CALN1: variants seen among roughly 807,000 people sequenced by gnomAD.
CALN1 encodes the protein calcium-binding protein 8.
Under a neutral mutation model 30.6 loss-of-function variants are expected in CALN1, and 17 were observed. That is an observed-to-expected ratio of 0.56 (90% confidence interval 0.38 to 0.83). The LOEUF (loss-of-function observed/expected upper bound fraction) is 0.83. Among genes scored for constraint, CALN1 ranks in the 40% least tolerant of loss-of-function variants. The pLI is 0.00. For synonymous variants in CALN1, 156 were observed against 131.4 expected (o/e 1.19, Z -1.28); for missense variants, 291 against 354.9 (o/e 0.82, Z 1.45).
At chr7:72,367,647 A>AATAAAT (rs1420793071) in intron 2 of CALN1, among the ~76,000 whole-genome samples, 3 of 151,960 alleles carry the variant, frequency 2.0e-5, no homozygotes, top group Non-Finnish European at 4.4e-5. Context: ...TAAAAATAAA[A>AATAAAT]ATTAGCCAGG....
the CALN1 span, among the ~76,000 whole-genome samples, chr7:72,477,691 A>C: frequency 6.6e-6 from 1 of 152,066 alleles, no homozygotes; most frequent in South Asian, 2.1e-4. Flanking sequence ...CAAAGTGCTA[A>C]GTCTACAGGC....
chr7:72,488,985 C>T, the CALN1 span, among the ~76,000 whole-genome samples: 1 of 152,280 alleles, frequency 6.6e-6, no homozygotes, highest in East Asian at 1.9e-4. Context: ...CTACAGACTC[C>T]TTATCGACCA....
At chr7:72,139,503 C>T (rs1469165959) in intron 3 of CALN1, among the ~76,000 whole-genome samples, 2 of 151,918 alleles carry the variant, frequency 1.3e-5, no homozygotes, top group African/African-American at 2.4e-5. Context: ...CCCACCTCAG[C>T]CATGCCCACC....
At chr7:72,452,059 G>A (rs983472186), upstream of CALN1, among the ~76,000 whole-genome samples, 2 of 152,144 alleles carry the variant, frequency 1.3e-5, no homozygotes, top group African/African-American at 4.8e-5. Context: ...GAATTGAATG[G>A]AATATGCCAG....
At chr7:72,180,173 C>T (rs1193909011) in intron 3 of CALN1, among the ~76,000 whole-genome samples, 1 of 152,138 alleles carries the variant, frequency 6.6e-6, no homozygotes, top group Non-Finnish European at 1.5e-5. Flanking sequence ...TTCCTCTGTC[C>T]CTCATATTTC....
intron 6 of CALN1, among the ~76,000 whole-genome samples, chr7:71,794,238 C>A (rs1786752639): frequency 6.6e-6 from 1 of 152,140 alleles, no homozygotes; most frequent in South Asian, 2.1e-4. Flanking sequence ...TGTACAAATT[C>A]TTTTTGGTCT....
chr7:72,440,128 T>C (rs1444690245), intron 1 of CALN1, among the ~76,000 whole-genome samples: 1 of 152,194 alleles, frequency 6.6e-6, no homozygotes, highest in Non-Finnish European at 1.5e-5. Context: ...CAAAATAGTT[T>C]AAAACAGACA....
intron 1 of CALN1, among the ~76,000 whole-genome samples, chr7:72,407,481 T>C (rs149507202): frequency 6.6e-6 from 1 of 152,118 alleles, no homozygotes; most frequent in Non-Finnish European, 1.5e-5. Context: ...ACAGTTCTCA[T>C]GAGATCTGGT....
intron 3 of CALN1, among the ~76,000 whole-genome samples, chr7:72,276,956 A>G (rs1318313546): frequency 2.0e-5 from 3 of 152,244 alleles, no homozygotes; most frequent in African/African-American, 7.2e-5. Flanking sequence ...AGTGACATCT[A>G]TGAATCAGAA....
intron 4 of CALN1, among the ~76,000 whole-genome samples, chr7:72,045,772 G>T (rs1364143302): frequency 1.3e-5 from 2 of 152,064 alleles, no homozygotes; most frequent in Non-Finnish European, 2.9e-5. Context: ...GGCAGAGGTG[G>T]GTGGATCACC....
intron 2 of CALN1, among the ~76,000 whole-genome samples, chr7:72,311,454 A>G (rs1800040945): frequency 6.6e-6 from 1 of 151,904 alleles, no homozygotes; most frequent in Non-Finnish European, 1.5e-5. Context: ...GCATTGTGGA[A>G]GGATCAACTG....
intron 3 of CALN1, among the ~76,000 whole-genome samples, chr7:72,236,626 C>T (rs1035237354): frequency 2.0e-5 from 3 of 152,214 alleles, no homozygotes; most frequent in African/African-American, 7.2e-5. Flanking sequence ...ACGCCAGGCT[C>T]ATCGCAAAAA....
chr7:72,249,039 A>T (rs1795375194), intron 3 of CALN1, among the ~76,000 whole-genome samples: 1 of 152,216 alleles, frequency 6.6e-6, no homozygotes, highest in Non-Finnish European at 1.5e-5. Context: ...GCAGTGATGG[A>T]TCACGAATTT....
chr7:71,830,065 G>A (rs1789174273), intron 5 of CALN1, among the ~76,000 whole-genome samples: 1 of 148,660 alleles, frequency 6.7e-6, no homozygotes, highest in Non-Finnish European at 1.5e-5. Context: ...TTTTGGAGAT[G>A]GGAGTTTTGC....
intron 3 of CALN1, among the ~76,000 whole-genome samples, chr7:72,161,884 A>G (rs11976081): frequency 0.026 from 3,887 of 152,102 alleles, 172 homozygotes; most frequent in African/African-American, 0.089. Flanking sequence ...ACAAACCTGC[A>G]TATCCTGCAC....
At chr7:72,062,018 C>T (rs1165318606) in intron 4 of CALN1, among the ~76,000 whole-genome samples, 2 of 152,100 alleles carry the variant, frequency 1.3e-5, no homozygotes, top group South Asian at 2.1e-4. Flanking sequence ...TCATAAAACA[C>T]TGAGACCAGA....
intron 3 of CALN1, among the ~76,000 whole-genome samples, chr7:72,212,157 C>A (rs184034589): frequency 1.3e-5 from 2 of 152,086 alleles, no homozygotes; most frequent in Admixed American, 1.3e-4. Context: ...TGGAGACCAT[C>A]CTGGCTAACA....
At chr7:72,453,576 A>G in the CALN1 span, among the ~76,000 whole-genome samples, 206 of 152,342 alleles carry the variant, frequency 1.4e-3, no homozygotes, top group African/African-American at 3.9e-3. Context: ...AGTCCCACCT[A>G]CTATCTCATT....
intron 4 of CALN1, among the ~76,000 whole-genome samples, chr7:72,058,411 G>A (rs1028768462): frequency 2.9e-5 from 4 of 140,114 alleles, no homozygotes; most frequent in South Asian, 4.7e-4. Flanking sequence ...TCCACCTCCC[G>A]GGTTCAAGAG....
Sources: gnomAD v4.1 joint callset for allele counts (sites outside exome capture counted in the v4.1 genomes callset) on GRCh38, gnomAD v4.1.1 for gene constraint, MANE v1.5 for transcripts, NCBI Gene and HGNC (gene_info 2026-07-23, HGNC 2026-07-21) for gene names.